Variants in SP6 observed in about 807,000 individuals in gnomAD.
SP6 encodes the protein Sp6 transcription factor.
SP6 carries 10 observed loss-of-function variants against 23.4 expected under a neutral mutation model. That is an observed-to-expected ratio of 0.43 (90% CI 0.26 to 0.72). The LOEUF is 0.72. Among genes scored for constraint, SP6 ranks in the 30% least tolerant of loss-of-function variants. The probability of loss-of-function intolerance (pLI) is 0.23; values close to 1 mark genes in which losing one functional copy is unlikely to be tolerated. For missense variants in SP6, 482 were observed against 523.8 expected (o/e 0.92, Z 0.78); for synonymous variants, 238 against 238.7 (o/e 1.00, Z 0.03).
At chr17:47,858,094 C>T (rs1048859071), upstream of SP6, among the ~76,000 whole-genome samples, 6 of 152,210 alleles carry the variant, frequency 3.9e-5, 1 homozygote, top group Admixed American at 1.3e-4. Flanking sequence ...CTCGGTCTCC[C>T]ACCTCCTCCT....
At chr17:47,868,947 G>A in the SP6 span, among the ~76,000 whole-genome samples, 1 of 152,232 alleles carries the variant, frequency 6.6e-6, no homozygotes, top group Admixed American at 6.5e-5. Context: ...GGCGCTCTGG[G>A]TGGCATCGGC....
upstream of SP6, among the ~76,000 whole-genome samples, chr17:47,855,107 T>A (rs1011922636): frequency 6.6e-6 from 1 of 152,214 alleles, no homozygotes; most frequent in Non-Finnish European, 1.5e-5. Context: ...CTAATTTTAT[T>A]ATAAATTTCA....
Position 47,847,810 on chromosome 17 carries a change from T to C in SP6, c.620A>G (p.Asp207Gly). 6.5e-7 allele frequency: 1 copy of C among 1,533,106 alleles called. No homozygotes were observed. Among genetic ancestry groups the C allele is most frequent in the African/African-American group, 1.4e-5 (1 of 72,668 alleles). The allele number at this position is 1,533,106 out of a possible 1,614,324, so 95.0% of individuals were successfully genotyped here. A position where few individuals can be genotyped will look rare whatever the true frequency, so the allele number is the denominator to read the frequency against. ...GGAGCCTTTGGGACGCGCCGCCCCG[T>C]CCAGGCTGGAATCCAGCCCTTGAGA... ...PESQGLDSSLDGAARPKGSRR... is the reference protein window; with the variant it reads ...PESQGLDSSLGGAARPKGSRR... Residue 207 changes from aspartate to glycine, a missense_variant, in exon 2 of 2, where the codon GAC becomes GGC. By Grantham distance (94) the Asp-to-Gly change is moderately conservative. Around this residue, in one of 3 missense-constraint regions of SP6, gnomAD observed 330 missense variants for 332.3 expected, o/e 0.99. Coordinates refer to ENST00000536300, the MANE Select transcript of SP6 (RefSeq NM_001258248.2).
intron 1 of SP6, among the ~76,000 whole-genome samples, 162 bp downstream of exon 1, chr17:47,850,757 T>C (rs2033945410): frequency 6.6e-6 from 1 of 152,170 alleles, no homozygotes; most frequent in East Asian, 1.9e-4. Flanking sequence ...CTCCAGTCTC[T>C]CCCGTCCGCC....
the SP6 span, chr17:47,864,970 A>C: frequency 6.6e-6 from 1 of 152,250 alleles, no homozygotes; most frequent in African/African-American, 2.4e-5. Flanking sequence ...GGCAGTTGGC[A>C]TCTGACAGCC....
rs1354161091 is a variant in SP6 at position 47,847,739 on chromosome 17, G to C, written c.691C>G (p.Pro231Ala). 6.3e-7 allele frequency: 1 copy of C among 1,588,890 alleles called. No individual in the cohort carries two copies. Among genetic ancestry groups the C allele is most frequent in the Non-Finnish European group, 8.6e-7 (1 of 1,166,484 alleles). ...RSSGQTVCRCPNCLEAERLGA... is the reference protein window; with the variant it reads ...RSSGQTVCRCANCLEAERLGA... ...AGTCGCTCCGCCTCCAGACAGTTGGGGCAGCGACAGACGGTCTGGCCTGAG... is the reference window on the plus strand; with the variant it reads ...AGTCGCTCCGCCTCCAGACAGTTGGCGCAGCGACAGACGGTCTGGCCTGAG... Residue 231 changes from proline (P) to alanine (A), a missense_variant, in exon 2 of 2, where the codon CCC becomes GCC. Physicochemically the swap from Pro to Ala is conservative, Grantham distance 27. Transcript: ENST00000536300.
At chr17:47,856,545 A>C (rs910252544), upstream of SP6, among the ~76,000 whole-genome samples, 7 of 152,188 alleles carry the variant, frequency 4.6e-5, no homozygotes, top group African/African-American at 1.7e-4. Context: ...GGGAGCCCCC[A>C]GATCTCTATT....
the SP6 span, among the ~76,000 whole-genome samples, chr17:47,862,381 G>A: frequency 0.45 from 66,747 of 148,898 alleles, 15,279 homozygotes; most frequent in Non-Finnish European, 0.49. Context: ...GGTGGCACAC[G>A]CCTGTAGTCC....
upstream of SP6, among the ~76,000 whole-genome samples, chr17:47,858,087 G>C (rs535025093): frequency 2.0e-5 from 3 of 151,868 alleles, no homozygotes; most frequent in Middle Eastern, 3.2e-3. Context: ...CTCGCCTCTC[G>C]GTCTCCCACC....
At chr17:47,856,857 C>T (rs1380587552), upstream of SP6, among the ~76,000 whole-genome samples, 5 of 151,952 alleles carry the variant, frequency 3.3e-5, no homozygotes, top group Non-Finnish European at 7.4e-5. Context: ...TACATGCTAC[C>T]TCCCTCCCAG....
At chr17:47,870,921 C>T in the SP6 span, among the ~76,000 whole-genome samples, 1 of 152,162 alleles carries the variant, frequency 6.6e-6, no homozygotes, top group Non-Finnish European at 1.5e-5. Flanking sequence ...CCCTAGTTTT[C>T]TGGAAAATTC....
chr17:47,871,679 C>T, the SP6 span, among the ~76,000 whole-genome samples: 2 of 150,728 alleles, frequency 1.3e-5, no homozygotes, highest in Admixed American at 6.6e-5. Context: ...AGTGCAGTGG[C>T]GTGATCTTGG....
the SP6 span, among the ~76,000 whole-genome samples, chr17:47,873,628 A>C: frequency 6.6e-6 from 1 of 152,150 alleles, no homozygotes; most frequent in East Asian, 1.9e-4. Context: ...CTGGGAAAAA[A>C]GGCTCTTCCC....
At chr17:47,852,348 C>T (rs2033966848), upstream of SP6, among the ~76,000 whole-genome samples, 1 of 152,168 alleles carries the variant, frequency 6.6e-6, no homozygotes, top group Admixed American at 6.5e-5. Context: ...CCTCCACCCA[C>T]GCATTCTTCT....
rs2033879480 is a variant in SP6, at chr17:47,845,840, G to A, written c.*1459C>T. ...GAGGGGAAGGGGGAGGGGTGTCAGA[G>A]GGACTGTAAGGCCCCTCTCTTGAGT... On this transcript the variant is annotated 3_prime_UTR_variant, in exon 2 of 2. Coordinates refer to ENST00000536300, the MANE Select transcript of SP6 (RefSeq NM_001258248.2). 6.6e-6 allele frequency: 1 copy of A among 152,240 alleles called. No homozygotes were observed. The highest frequency in any genetic ancestry group is 2.4e-5 in the African/African-American group (1 of 41,438). 9.4% of individuals were successfully genotyped at this position (152,240 alleles called of 1,614,324 possible).
chr17:47,875,085 TTCTTC>T, the SP6 span, among the ~76,000 whole-genome samples: 13,603 of 152,066 alleles, frequency 0.089, 679 homozygotes, highest in East Asian at 0.24. Context: ...CCCACCCGGC[TTCTTC>T]TCTTCTCAGA....
intron 1 of SP6, among the ~76,000 whole-genome samples, chr17:47,849,353 CA>C (rs1223699382): frequency 6.6e-6 from 1 of 152,220 alleles, no homozygotes; most frequent in Non-Finnish European, 1.5e-5. Context: ...AGCTTGACAG[CA>C]AGCTCTGGAA....
the SP6 span, among the ~76,000 whole-genome samples, chr17:47,874,085 T>A: frequency 6.6e-6 from 1 of 150,802 alleles, no homozygotes; most frequent in East Asian, 2.0e-4. Flanking sequence ...CCCTCCTCCT[T>A]CTTCTTCTTT....
upstream of SP6, among the ~76,000 whole-genome samples, chr17:47,856,551 C>A (rs2033999962): frequency 6.6e-6 from 1 of 152,130 alleles, no homozygotes; most frequent in African/African-American, 2.4e-5. Context: ...CCCCAGATCT[C>A]TATTTATATG....
Sources: allele counts gnomAD v4.1 joint callset (sites outside exome capture counted in the v4.1 genomes callset), GRCh38; gene constraint gnomAD v4.1.1; regional missense constraint gnomAD v4.1.1; transcripts MANE v1.5; gene names NCBI Gene and HGNC (gene_info 2026-07-23, HGNC 2026-07-21).